The following CCDC192 variants were observed in gnomAD, a reference collection of about 807,000 sequenced individuals.
The protein encoded by CCDC192 is coiled-coil domain-containing protein 192.
chr5:127,931,221 C>A lies in CCDC192; in HGVS notation c.536-9961C>A, dbSNP rs74326521. Reference sequence around the variant, plus strand: ...TCATCCTCTCTTTCCCACCCCTACCCATAGGAAGGAAAAGAGAGTCTAAGG... The same window carrying A: ...TCATCCTCTCTTTCCCACCCCTACCAATAGGAAGGAAAAGAGAGTCTAAGG... On this transcript the variant is annotated intron_variant, in intron 6 of 6. Transcript: ENST00000514853. Among the ~76,000 whole-genome samples the A allele has an allele frequency of 7.3e-3, 1,104 of 152,250 alleles. 54 individuals carry two copies. The East Asian group carries it at 0.14, about 20-fold the overall frequency.
At chr5:127,874,264 C>A (rs1190074758) in intron 5 of CCDC192, among the ~76,000 whole-genome samples, 1 of 152,196 alleles carries the variant, frequency 6.6e-6, no homozygotes, top group Non-Finnish European at 1.5e-5. Context: ...CCATGACTAC[C>A]ATTCTCCTTC....
In CCDC192 at chr5:127,892,196, A is replaced by G. The variant is rs144435029; in HGVS notation, c.535+16535A>G. ...TGTGCTTATGTCATAATCAAATTGT[A>G]AATTATCTGATGCTATCATATACTT... On this transcript the variant is annotated intron_variant, in intron 6 of 6. Coordinates refer to ENST00000514853, the MANE Select transcript of CCDC192 (RefSeq NM_001317938.2). Among the ~76,000 whole-genome samples, 3 of 152,356 alleles carry G rather than the reference A, an allele frequency of 2.0e-5. No individual in the cohort carries two copies. In the East Asian group the frequency reaches 5.8e-4, roughly 29 times the overall value.
chr5:127,938,657 TATC>T (rs1754255984), intron 6 of CCDC192, among the ~76,000 whole-genome samples: 2 of 152,392 alleles, frequency 1.3e-5, no homozygotes, highest in South Asian at 2.1e-4. Context: ...TTCTAAATAT[TATC>T]ATTTTAATGC....
chr5:127,719,197 A>G (rs761845876), intron 2 of CCDC192, among the ~76,000 whole-genome samples: 1 of 152,018 alleles, frequency 6.6e-6, no homozygotes. Context: ...ATGTCCTCCA[A>G]TTTCATCCAT....
intron 5 of CCDC192, among the ~76,000 whole-genome samples, chr5:127,837,453 A>G (rs1750075555): frequency 1.2e-5 from 1 of 80,380 alleles, no homozygotes; most frequent in South Asian, 3.4e-4. Flanking sequence ...CTCACTCACT[A>G]TCATAAGAAT....
At chr5:127,839,702 G>T (rs139563178) in intron 5 of CCDC192, among the ~76,000 whole-genome samples, 4 of 152,062 alleles carry the variant, frequency 2.6e-5, no homozygotes, top group Non-Finnish European at 5.9e-5. Context: ...GTACAGCCTC[G>T]TGACCTTAGG....
At chr5:127,850,752 G>C (rs1012482559) in intron 5 of CCDC192, among the ~76,000 whole-genome samples, 5 of 152,176 alleles carry the variant, frequency 3.3e-5, no homozygotes, top group African/African-American at 4.8e-5. Context: ...AATCACCTGA[G>C]TTTAGGAGTT....
intron 6 of CCDC192, among the ~76,000 whole-genome samples, chr5:127,904,819 G>A (rs1753153607): frequency 6.6e-6 from 1 of 152,036 alleles, no homozygotes; most frequent in African/African-American, 2.4e-5. Flanking sequence ...GACATTTAAT[G>A]CTCACTGAAT....
intron 3 of CCDC192, among the ~76,000 whole-genome samples, chr5:127,757,796 ACACTCTCTCTCT>A (rs1460560105): frequency 1.9e-5 from 2 of 106,564 alleles, no homozygotes; most frequent in African/African-American, 6.5e-5. Flanking sequence ...ACACACACAC[ACACTCTCTCTCT>A]CTCTCTCTCT....
intron 6 of CCDC192, among the ~76,000 whole-genome samples, chr5:127,922,714 C>T (rs1753755273): frequency 1.3e-5 from 2 of 152,214 alleles, no homozygotes; most frequent in Non-Finnish European, 2.9e-5. Context: ...CACTACTGCA[C>T]TCCAGCCTGG....
chr5:127,719,566 T>G (rs1386546383), intron 2 of CCDC192, among the ~76,000 whole-genome samples: 1 of 12,990 alleles, frequency 7.7e-5, no homozygotes, highest in Non-Finnish European at 2.1e-4. Context: ...TATACACACA[T>G]ACATATATAT....
intron 3 of CCDC192, among the ~76,000 whole-genome samples, chr5:127,781,034 G>A (rs113984518): frequency 0.098 from 14,836 of 152,060 alleles, 990 homozygotes; most frequent in Middle Eastern, 0.18. Context: ...ATCTAGTTTC[G>A]TTCTCCTACA....
intron 6 of CCDC192, among the ~76,000 whole-genome samples, chr5:127,887,216 C>CTACTCTGG (rs1255216040): frequency 2.0e-5 from 3 of 151,110 alleles, no homozygotes; most frequent in African/African-American, 4.9e-5. Flanking sequence ...GTAATCCCAG[C>CTACTCTGG]TACTCTGGAG....
At chr5:127,797,775 A>T (rs1710273) in intron 4 of CCDC192, among the ~76,000 whole-genome samples, 97,399 of 127,730 alleles carry the variant, frequency 0.76, 35,747 homozygotes, top group Middle Eastern at 0.81. Context: ...ATATATATAT[A>T]TATTTATTTA....
intron 5 of CCDC192, among the ~76,000 whole-genome samples, chr5:127,861,377 G>A (rs796738514): frequency 2.0e-5 from 3 of 151,194 alleles, no homozygotes; most frequent in African/African-American, 7.3e-5. Context: ...ATGCCTGGCC[G>A]GGCACAGTGG....
intron 2 of CCDC192, among the ~76,000 whole-genome samples, chr5:127,708,863 C>A (rs1751120796): frequency 6.6e-6 from 1 of 152,056 alleles, no homozygotes; most frequent in Admixed American, 6.6e-5. Context: ...TTCAGAAGTT[C>A]TGGCCTACCA....
At chr5:127,705,479 A>G (rs1239013163) in intron 1 of CCDC192, among the ~76,000 whole-genome samples, 1 of 152,184 alleles carries the variant, frequency 6.6e-6, no homozygotes, top group East Asian at 1.9e-4. Context: ...AGCATAAAAA[A>G]CAAACGAAGC....
chr5:127,915,121 A>C (rs1020640594), intron 6 of CCDC192, among the ~76,000 whole-genome samples: 2 of 152,182 alleles, frequency 1.3e-5, no homozygotes, highest in Non-Finnish European at 2.9e-5. Context: ...TATTGCAATA[A>C]AGTGAGTCAC....
chr5:127,917,289 C>T (rs1753550349), intron 6 of CCDC192, among the ~76,000 whole-genome samples: 1 of 152,194 alleles, frequency 6.6e-6, no homozygotes, highest in Admixed American at 6.5e-5. Flanking sequence ...GACACTAAAA[C>T]TTTCTCCATA....
Sources: allele counts gnomAD v4.1 joint callset (sites outside exome capture counted in the v4.1 genomes callset), GRCh38; gene constraint gnomAD v4.1.1; transcripts MANE v1.5; gene names NCBI Gene and HGNC (gene_info 2026-07-23, HGNC 2026-07-21).